ADARB2: variants seen among roughly 807,000 people sequenced by gnomAD.
ADARB2 encodes adenosine deaminase RNA specific B2 (inactive), also known as inactive double-stranded RNA-specific editase B2.
ADARB2 carries 25 observed loss-of-function variants against 62.2 expected under a neutral mutation model. The ratio of observed to expected loss-of-function variants is 0.40; its 90% confidence interval spans 0.29 to 0.56. The LOEUF is 0.56. ADARB2 is among the 20% of genes least tolerant of loss of function. The probability of loss-of-function intolerance (pLI) is 0.43; values close to 1 mark genes in which losing one functional copy is unlikely to be tolerated. For synonymous variants in ADARB2, 572 were observed against 500.8 expected, an observed-to-expected ratio of 1.14 and a Z score of -1.90; for missense variants, 1,071 against 1,077.4, an observed-to-expected ratio of 0.99 and a Z score of 0.08.
At chr10:1,547,795 G>A (rs1463481128) in intron 1 of ADARB2, among the ~76,000 whole-genome samples, 1 of 148,646 alleles carries the variant, frequency 6.7e-6, no homozygotes. Context: ...TGGGGAGGGG[G>A]CAAGAGGCTG....
rs539747571 is a variant in ADARB2 at position 1,275,678 on chromosome 10, C to T, written c.1078-4609G>A. ...CCCCCTCCCCCCACCCCACAACAGG[C>T]CCCGGTTGTGATGTTCCCCTTCCTG... On this transcript the variant is annotated intron_variant, in intron 3 of 9. Coordinates refer to ENST00000381312, the MANE Select transcript of ADARB2 (RefSeq NM_018702.4). 3.4e-5 allele frequency among the ~76,000 whole-genome samples: 4 copies of T among 117,508 alleles called. No individual in the cohort carries two copies. In the East Asian group the frequency reaches 9.2e-4, roughly 27 times the overall value. The allele number at this position is 117,508 out of a possible 152,430, so 77.1% of individuals were successfully genotyped here. A position where few individuals can be genotyped will look rare whatever the true frequency, so the allele number is the denominator to read the frequency against.
intron 1 of ADARB2, among the ~76,000 whole-genome samples, chr10:1,463,880 C>T (rs1161983107): frequency 1.3e-5 from 2 of 152,164 alleles, no homozygotes; most frequent in Non-Finnish European, 2.9e-5. Flanking sequence ...GGGATTTGAG[C>T]AGACACTTTG....
intron 1 of ADARB2, among the ~76,000 whole-genome samples, chr10:1,683,434 G>A (rs1367827293): frequency 6.6e-6 from 1 of 152,202 alleles, no homozygotes; most frequent in Non-Finnish European, 1.5e-5. Flanking sequence ...AAGAAGTAGT[G>A]AGCTCGAAAG....
intron 1 of ADARB2, among the ~76,000 whole-genome samples, chr10:1,681,923 G>A (rs1165030627): frequency 6.6e-6 from 1 of 152,076 alleles, no homozygotes; most frequent in Non-Finnish European, 1.5e-5. Flanking sequence ...AGGGAGTGAG[G>A]GCACCTGAGT....
intron 1 of ADARB2, among the ~76,000 whole-genome samples, chr10:1,466,860 T>A (rs754182166): frequency 1.3e-5 from 2 of 152,148 alleles, no homozygotes; most frequent in Non-Finnish European, 2.9e-5. Context: ...TCTACTTTAA[T>A]GTAAACTGGA....
chr10:1,515,559 C>T (rs1328660579), intron 1 of ADARB2, among the ~76,000 whole-genome samples: 1 of 152,254 alleles, frequency 6.6e-6, no homozygotes, highest in African/African-American at 2.4e-5. Flanking sequence ...GTGGGAAAAC[C>T]CGCCAGCCTT....
chr10:1,536,659 C>A (rs1206445840), intron 1 of ADARB2, among the ~76,000 whole-genome samples: 1 of 152,178 alleles, frequency 6.6e-6, no homozygotes, highest in South Asian at 2.1e-4. Context: ...TCTAGACAGG[C>A]AAAATGTTCC....
chr10:1,611,245 G>A (rs564269763), intron 1 of ADARB2, among the ~76,000 whole-genome samples: 1 of 152,140 alleles, frequency 6.6e-6, no homozygotes, highest in Non-Finnish European at 1.5e-5. Context: ...TCCAGCGGCC[G>A]ATCTTTCTTC....
In ADARB2 at chr10:1,723,755, T is replaced by A. The variant is rs147800737; in HGVS notation, c.100+13296A>T. 6.6e-3 allele frequency among the ~76,000 whole-genome samples: 1,002 copies of A among 152,226 alleles called. 9 individuals carry two copies. Among genetic ancestry groups the A allele is most frequent in the African/African-American group, 0.022 (930 of 41,548 alleles). ...AAAGGTGGAATGAAATAAAACTACTTACCTTCTAACCACCCTGTTAGAGGG... is the reference window on the plus strand; with the variant it reads ...AAAGGTGGAATGAAATAAAACTACTAACCTTCTAACCACCCTGTTAGAGGG... On this transcript the variant is annotated intron_variant, in intron 1 of 9. Transcript: ENST00000381312.
intron 3 of ADARB2, among the ~76,000 whole-genome samples, chr10:1,305,875 A>G (rs1156773041): frequency 4.0e-5 from 6 of 151,252 alleles, no homozygotes; most frequent in Non-Finnish European, 1.5e-5. Context: ...AAAACTCTCA[A>G]TAAATTAGGT....
chr10:1,681,091 G>C (rs1266675111), intron 1 of ADARB2, among the ~76,000 whole-genome samples: 2 of 152,186 alleles, frequency 1.3e-5, no homozygotes, highest in Non-Finnish European at 2.9e-5. Context: ...GCAGCCCCTG[G>C]ACAGGAATAA....
At chr10:1,362,737 A>G (rs1177617076) in intron 3 of ADARB2, among the ~76,000 whole-genome samples, 13 of 152,030 alleles carry the variant, frequency 8.6e-5, no homozygotes, top group Non-Finnish European at 1.5e-4. Flanking sequence ...CACGGACGAA[A>G]CCTGGCACGG....
intron 1 of ADARB2, among the ~76,000 whole-genome samples, chr10:1,642,388 A>G (rs2119058975): frequency 6.6e-6 from 1 of 152,310 alleles, no homozygotes; most frequent in Middle Eastern, 3.4e-3. Context: ...CAGTTCCCCT[A>G]TCTTCCTGGG....
intron 1 of ADARB2, among the ~76,000 whole-genome samples, chr10:1,510,579 C>T (rs1281268453): frequency 2.6e-5 from 4 of 152,192 alleles, no homozygotes; most frequent in Non-Finnish European, 5.9e-5. Context: ...GTGTCTTAAA[C>T]TAACTGTGGG....
rs1257834056 is a variant in ADARB2 at position 1,737,411 on chromosome 10, C to T, written c.-261G>A. The T allele has an allele frequency of 4.3e-6, 2 of 466,384 alleles. No individual in the cohort carries two copies. The highest frequency in any genetic ancestry group is 7.3e-5 in the East Asian group (2 of 27,242). The allele number at this position is 466,384 out of a possible 1,614,324, so 28.9% of individuals were successfully genotyped here. On this transcript the variant is annotated 5_prime_UTR_variant, in exon 1 of 10. Coordinates refer to ENST00000381312, the MANE Select transcript of ADARB2 (RefSeq NM_018702.4). Reference sequence around the variant, plus strand: ...CCTGGTCAGGGAGGGCGGGGAAGGGCGCGCGGCGTCCTGAGTGCTCCGAGC... The same window carrying T: ...CCTGGTCAGGGAGGGCGGGGAAGGGTGCGCGGCGTCCTGAGTGCTCCGAGC...
chr10:1,566,124 A>C, intron 1 of ADARB2, among the ~76,000 whole-genome samples: 1 of 147,126 alleles, frequency 6.8e-6, no homozygotes, highest in Non-Finnish European at 1.5e-5. Flanking sequence ...CCCTGTGTAC[A>C]GTGAGTGTGT....
chr10:1,403,931 G>A, intron 1 of ADARB2, among the ~76,000 whole-genome samples: 1 of 152,330 alleles, frequency 6.6e-6, no homozygotes, highest in African/African-American at 2.4e-5. Context: ...TGTGTCTGCA[G>A]GGCACTGTCC....
intron 1 of ADARB2, among the ~76,000 whole-genome samples, chr10:1,724,564 C>T (rs942298921): frequency 2.0e-5 from 3 of 152,200 alleles, no homozygotes; most frequent in African/African-American, 2.4e-5. Flanking sequence ...TCCTGGGTCC[C>T]CGACAGAAAG....
intron 3 of ADARB2, among the ~76,000 whole-genome samples, chr10:1,344,315 C>G (rs1432106767): frequency 6.6e-6 from 1 of 152,246 alleles, no homozygotes; most frequent in Non-Finnish European, 1.5e-5. Context: ...ACTCTTGGAG[C>G]CTGCGTGGCC....
Sources: allele counts gnomAD v4.1 joint callset (sites outside exome capture counted in the v4.1 genomes callset), GRCh38; gene constraint gnomAD v4.1.1; transcripts MANE v1.5; gene names NCBI Gene and HGNC (gene_info 2026-07-23, HGNC 2026-07-21).